MAD1L1: variants seen among roughly 807,000 people sequenced by gnomAD.
The protein encoded by MAD1L1 is mitotic arrest deficient 1 like 1, also known as mitotic spindle assembly checkpoint protein MAD1.
In MAD1L1, 95 loss-of-function variants were observed where a neutral mutation model predicts 96.9. That is an observed-to-expected ratio of 0.98 (90% confidence interval 0.83 to 1.16). The LOEUF (loss-of-function observed/expected upper bound fraction) is 1.16, where lower values mean the gene tolerates loss of function less well. MAD1L1 is among the 50% of genes most tolerant of loss of function. MAD1L1 has a pLI of 0.00. For missense variants in MAD1L1, 1,007 were observed against 954.4 expected, an observed-to-expected ratio of 1.06 and a Z score of -0.73; for synonymous variants, 473 against 396.6, an observed-to-expected ratio of 1.19 and a Z score of -2.29.
At chr7:2,144,423 G>A (rs1377073151) in intron 11 of MAD1L1, among the ~76,000 whole-genome samples, 6 of 152,170 alleles carry the variant, frequency 3.9e-5, no homozygotes, top group African/African-American at 1.4e-4. Flanking sequence ...TCCAAAGCAC[G>A]GTCTTATTTC....
At chr7:2,202,969 G>A (rs1300393040) in intron 10 of MAD1L1, among the ~76,000 whole-genome samples, 5 of 152,198 alleles carry the variant, frequency 3.3e-5, no homozygotes, top group Non-Finnish European at 7.3e-5. Flanking sequence ...GACTACAGGG[G>A]ATGGGTCAGC....
In MAD1L1 at chr7:2,215,787, T is replaced by A. The variant is rs145858810; in HGVS notation, c.924+98A>T. The A allele has an allele frequency of 1.4e-4, 150 of 1,082,498 alleles. No individual in the cohort carries two copies. In the African/African-American group the frequency reaches 1.7e-3, roughly 12 times the overall value. 67.1% of individuals were successfully genotyped at this position (1,082,498 alleles called of 1,614,324 possible). The stretch of plus-strand genomic sequence containing the variant: ...CCACCCCATCACAGCAACCTCCATG[T>A]TGTAGGTGAGCAGCTGGTGGGCGTG... On this transcript the variant is annotated intron_variant, in intron 9 of 18. Transcript: ENST00000265854.
At position 1,947,042 on chromosome 7, in the gene MAD1L1, G is replaced by A. The variant is rs80196703; in HGVS notation, c.1597-10145C>T. Among the ~76,000 whole-genome samples the A allele has an allele frequency of 2.0e-5, 3 of 152,332 alleles. No individual in the cohort carries two copies. In the East Asian group the frequency reaches 5.8e-4, roughly 29 times the overall value. ...GCTGGTAGGTCTCCGTCCTCTCTGGGCCTCGGCTTCCCATCTGTGAGGGTG... is the reference window on the plus strand; with the variant it reads ...GCTGGTAGGTCTCCGTCCTCTCTGGACCTCGGCTTCCCATCTGTGAGGGTG... On this transcript the variant is annotated intron_variant, in intron 16 of 18. Transcript: ENST00000265854.
intron 18 of MAD1L1, among the ~76,000 whole-genome samples, chr7:1,831,776 A>C (rs1157455238): frequency 6.6e-6 from 1 of 152,250 alleles, no homozygotes; most frequent in Non-Finnish European, 1.5e-5. Flanking sequence ...TCTGTGCTCT[A>C]TCAGTGGAAC....
Position 2,213,193 on chromosome 7 carries a change from G to T in MAD1L1, c.986+19C>A. 2 of 1,614,008 alleles carry T rather than the reference G, an allele frequency of 1.2e-6. No homozygotes were observed. The highest frequency in any genetic ancestry group is 1.7e-6 in the Non-Finnish European group (2 of 1,179,918). ...CCTTCAAAGAAGGCGGGACCCCGGA[G>T]ACACCTGCCCTTCCCTACCTGATGC... On this transcript the variant is annotated intron_variant, in intron 10 of 18. Transcript: ENST00000265854.
At position 2,219,281 on chromosome 7, in the gene MAD1L1, A is replaced by G. The variant is rs1426447411; in HGVS notation, c.596+51T>C. 4 of 1,494,242 alleles carry G rather than the reference A, an allele frequency of 2.7e-6. No individual in the cohort carries two copies. In the South Asian group the frequency reaches 3.7e-5, roughly 14 times the overall value. 92.6% of individuals were successfully genotyped at this position (1,494,242 alleles called of 1,614,324 possible). On this transcript the variant is annotated intron_variant, in intron 6 of 18. Transcript: ENST00000265854. ...AGCCACCAGGAGAGAGGTGGGACGCATGCCCCCACACGTGACCCGACCCCC... is the reference window on the plus strand; with the variant it reads ...AGCCACCAGGAGAGAGGTGGGACGCGTGCCCCCACACGTGACCCGACCCCC...
intron 5 of MAD1L1, chr7:2,220,912 G>A: frequency 5.0e-6 from 8 of 1,612,030 alleles, no homozygotes; most frequent in Non-Finnish European, 5.9e-6. Flanking sequence ...CCAGATGCAG[G>A]GCCGAGCCCA....
At chr7:1,999,191 C>T (rs1240408653) in intron 14 of MAD1L1, among the ~76,000 whole-genome samples, 2 of 152,182 alleles carry the variant, frequency 1.3e-5, no homozygotes, top group Non-Finnish European at 2.9e-5. Flanking sequence ...GGTTCCCCTG[C>T]AAACTACATC....
chr7:1,855,424 C>T (rs1784199256), intron 18 of MAD1L1, among the ~76,000 whole-genome samples: 1 of 152,034 alleles, frequency 6.6e-6, no homozygotes, highest in South Asian at 2.1e-4. Context: ...CCTCTGTGCC[C>T]GCATCTGACT....
chr7:2,144,859 G>T (rs1472050339), intron 11 of MAD1L1, among the ~76,000 whole-genome samples: 1 of 152,130 alleles, frequency 6.6e-6, no homozygotes, highest in Non-Finnish European at 1.5e-5. Flanking sequence ...AACCAGGCCA[G>T]GCTCCCCTAC....
rs374368690 is a variant in MAD1L1 at position 1,850,333 on chromosome 7, C to T, written c.1999-34105G>A. 7.4e-4 allele frequency among the ~76,000 whole-genome samples: 112 copies of T among 152,290 alleles called. 1 individual carries two copies. Among genetic ancestry groups the T allele is most frequent in the African/African-American group, 2.5e-3 (105 of 41,572 alleles). On this transcript the variant is annotated intron_variant, in intron 18 of 18. Transcript: ENST00000265854. ...CCCACAAGAGTTCTATCTTACGAGGCGCCCACCCTGCCTCCTAGGAACTCA... is the reference window on the plus strand; with the variant it reads ...CCCACAAGAGTTCTATCTTACGAGGTGCCCACCCTGCCTCCTAGGAACTCA...
rs1310022088 is a variant in MAD1L1, at chr7:1,830,980, T to C, written c.1999-14752A>G. On this transcript the variant is annotated intron_variant, in intron 18 of 18. Coordinates refer to ENST00000265854, the MANE Select transcript of MAD1L1 (RefSeq NM_001013836.2). ...TCTATGCATATTTAAGACTCAGCTA[T>C]ATCCTGCTTTTAAGAAGCACATTTT... 3.3e-5 allele frequency among the ~76,000 whole-genome samples: 5 copies of C among 152,398 alleles called. No individual in the cohort carries two copies. The East Asian group carries it at 7.7e-4, about 23-fold the overall frequency.
At chr7:1,958,245 T>C (rs765932201) in intron 15 of MAD1L1, among the ~76,000 whole-genome samples, 35 of 152,278 alleles carry the variant, frequency 2.3e-4, no homozygotes, top group Middle Eastern at 3.4e-3. Flanking sequence ...AGGCGACCCA[T>C]GGTGAGTTCC....
chr7:2,123,891 A>T (rs1054279330), intron 11 of MAD1L1, among the ~76,000 whole-genome samples: 2 of 152,228 alleles, frequency 1.3e-5, no homozygotes, highest in Non-Finnish European at 2.9e-5. Flanking sequence ...CGCTCTGGCA[A>T]GGGCTTTTTA....
At chr7:2,172,435 C>T (rs772666828) in intron 10 of MAD1L1, among the ~76,000 whole-genome samples, 118 of 152,324 alleles carry the variant, frequency 7.7e-4, no homozygotes, top group Non-Finnish European at 1.2e-3. Context: ...CAGGAAGTCA[C>T]GGTGCCGCTG....
At position 2,142,793 on chromosome 7, in the gene MAD1L1, G is replaced by A. The variant is rs1479667704; in HGVS notation, c.1073+6359C>T. ...TGCCGAGAGCAGGTGGTCAGGTTGA[G>A]CATGAGACTTGCTGGGAACACATGG... On this transcript the variant is annotated intron_variant, in intron 11 of 18. Transcript: ENST00000265854. The surrounding 1 kb of genome is among the most constrained non-coding windows in gnomAD (Gnocchi z 4.7). Among the ~76,000 whole-genome samples, 3 of 152,264 alleles carry A rather than the reference G, an allele frequency of 2.0e-5. No homozygotes were observed. The highest frequency in any genetic ancestry group is 7.2e-5 in the African/African-American group (3 of 41,476).
intron 18 of MAD1L1, among the ~76,000 whole-genome samples, chr7:1,879,062 A>T (rs1785535960): frequency 6.6e-6 from 1 of 152,274 alleles, no homozygotes; most frequent in African/African-American, 2.4e-5. Flanking sequence ...TAAGTATTTT[A>T]AAAATACACA....
At chr7:1,936,637 T>C (rs1262546021) in intron 17 of MAD1L1, 50 bp downstream of exon 17, 2 of 1,519,362 alleles carry the variant, frequency 1.3e-6, no homozygotes. Flanking sequence ...CGGATGGACC[T>C]ACCCACGGAA....
chr7:2,120,341 A>T (rs1311744565), intron 11 of MAD1L1, among the ~76,000 whole-genome samples: 3 of 152,228 alleles, frequency 2.0e-5, no homozygotes, highest in African/African-American at 4.8e-5. Flanking sequence ...CTCCCAGCTG[A>T]TAACGAAGGC....
Sources: gnomAD v4.1 joint callset for allele counts (sites outside exome capture counted in the v4.1 genomes callset) on GRCh38, gnomAD v4.1.1 for gene constraint, Gnocchi (gnomAD v3.1) non-coding constraint, MANE v1.5 for transcripts, NCBI Gene and HGNC (gene_info 2026-07-23, HGNC 2026-07-21) for gene names.